MYO19: variants seen among roughly 807,000 people sequenced by gnomAD.
MYO19 encodes unconventional myosin-XIX.
A neutral mutation model predicts 129.2 loss-of-function variants in MYO19; 132 were observed. That is an observed-to-expected ratio of 1.02 (90% confidence interval 0.89 to 1.18). The LOEUF (loss-of-function observed/expected upper bound fraction) is 1.18. Ranked by LOEUF, MYO19 falls within the 50% of genes most tolerant of loss-of-function variation. MYO19 has a pLI of 0.00. For missense variants in MYO19, 1,210 were observed against 1,216.7 expected (o/e 0.99, Z 0.08); for synonymous variants, 531 against 477.2 (o/e 1.11, Z -1.47).
chr17:36,502,652 T>C (rs980942193), intron 21 of MYO19, among the ~76,000 whole-genome samples: 9 of 152,126 alleles, frequency 5.9e-5, no homozygotes, highest in Admixed American at 3.9e-4. Flanking sequence ...GAGAATAAAG[T>C]CCAGATTCCT....
At chr17:36,520,280 A>C (rs995388826) in intron 6 of MYO19, among the ~76,000 whole-genome samples, 3 of 152,080 alleles carry the variant, frequency 2.0e-5, no homozygotes, top group African/African-American at 7.2e-5. Flanking sequence ...CTGGTCCTTA[A>C]GATTTTTTTC....
chr17:36,538,159 C>T (rs753155260), upstream of MYO19: 3 of 1,613,984 alleles, frequency 1.9e-6, no homozygotes, highest in East Asian at 2.2e-5. Context: ...CTCTTCATAT[C>T]TCTTTACGTA....
intron 24 of MYO19, 45 bp downstream of exon 24, chr17:36,499,030 C>G (rs1313552689): frequency 6.6e-7 from 1 of 1,504,032 alleles, no homozygotes; most frequent in Non-Finnish European, 9.1e-7. Flanking sequence ...ATCTGGTCCC[C>G]AAAATTGATC....
intron 24 of MYO19, 95 bp downstream of exon 24, chr17:36,498,980 C>T: frequency 1.0e-6 from 1 of 1,001,356 alleles, no homozygotes. Flanking sequence ...CCAAGGCCAC[C>T]TGCATTGCAG....
At position 36,506,463 on chromosome 17, in the gene MYO19, T is replaced by C; in HGVS notation, c.1790A>G (p.Lys597Arg). The C allele has an allele frequency of 1.5e-5, 24 of 1,613,838 alleles. No individual in the cohort carries two copies. The highest frequency in any genetic ancestry group is 1.9e-5 in the Non-Finnish European group (23 of 1,179,818). ...TCAGCACATCAGACCCACCTTGAAC[T>C]TGGACACCACGGTCAACACAGGGGC... ...SRAPVLTVVS[K>R]FKASLEQLLQ... Residue 597 changes from lysine (K) to arginine (R), a missense_variant, in exon 18 of 26, where the codon AAG (lysine) becomes AGG (arginine). Lys to Arg is a conservative substitution (Grantham distance 26, BLOSUM62 2). Coordinates refer to ENST00000614623, the MANE Select transcript of MYO19 (RefSeq NM_001163735.2).
At chr17:36,538,549 A>G (rs757082131), upstream of MYO19, 55 of 1,613,618 alleles carry the variant, frequency 3.4e-5, no homozygotes, top group Non-Finnish European at 4.3e-5. Flanking sequence ...GTCAATCTCT[A>G]TATGTTTTCC....
intron 12 of MYO19, 141 bp from the exon 13 acceptor site, chr17:36,511,058 C>A: frequency 1.0e-6 from 1 of 975,738 alleles, no homozygotes; most frequent in Non-Finnish European, 1.5e-6. Flanking sequence ...AGTGACTCAC[C>A]CAAAGGACTC....
rs2073905136 is a variant in MYO19 at position 36,532,826 on chromosome 17, C to G, written c.-143-145G>C. 3 of 532,928 alleles carry G rather than the reference C, an allele frequency of 5.6e-6. No individual in the cohort carries two copies. In the South Asian group the frequency reaches 7.5e-5, roughly 13 times the overall value. 33.0% of individuals were successfully genotyped at this position (532,928 alleles called of 1,614,324 possible). ...GAGAGTGGGCCTGTCCTTTCCCTTG[C>G]CAATTAGGAGACAGGGAAACTTTTA... On this transcript the variant is annotated intron_variant, in intron 2 of 25. Transcript: ENST00000614623.
intron 6 of MYO19, among the ~76,000 whole-genome samples, chr17:36,520,131 TG>T (rs1486777555): frequency 6.6e-6 from 1 of 152,010 alleles, no homozygotes; most frequent in Admixed American, 6.6e-5. Context: ...CCTACCACCA[TG>T]CCCTGCTAAT....
At chr17:36,515,450 C>T (rs952442165) in intron 7 of MYO19, among the ~76,000 whole-genome samples, 1 of 152,132 alleles carries the variant, frequency 6.6e-6, no homozygotes, top group Non-Finnish European at 1.5e-5. Flanking sequence ...AGGGAAAGGT[C>T]AAAAACAATC....
rs2073907172 is a variant in MYO19 at position 36,532,856 on chromosome 17, A to C, written c.-143-175T>G. Among the ~76,000 whole-genome samples the C allele has an allele frequency of 5.9e-5, 9 of 152,160 alleles. No homozygotes were observed. The South Asian group carries it at 1.7e-3, about 28-fold the overall frequency. Reference sequence around the variant, plus strand: ...TAGGAGACAGGGAAACTTTTATGAGAGCCTCAGAGGCTCCCTGGGCCAGTT... The same window carrying C: ...TAGGAGACAGGGAAACTTTTATGAGCGCCTCAGAGGCTCCCTGGGCCAGTT... On this transcript the variant is annotated intron_variant, in intron 2 of 25. Coordinates refer to ENST00000614623, the MANE Select transcript of MYO19 (RefSeq NM_001163735.2).
chr17:36,516,350 G>T (rs2072746641), intron 6 of MYO19, among the ~76,000 whole-genome samples: 1 of 152,098 alleles, frequency 6.6e-6, no homozygotes, highest in South Asian at 2.1e-4. Context: ...CAATGACAGG[G>T]CTCCCATTTA....
intron 6 of MYO19, among the ~76,000 whole-genome samples, chr17:36,518,781 G>A (rs1462339648): frequency 1.3e-5 from 2 of 151,212 alleles, no homozygotes; most frequent in African/African-American, 4.9e-5. Context: ...CCCAGGCATA[G>A]TGAGATAGAT....
chr17:36,527,800 C>G (rs573386782), intron 4 of MYO19, 101 bp from the exon 5 acceptor site: 25 of 1,301,192 alleles, frequency 1.9e-5, no homozygotes, highest in Non-Finnish European at 2.6e-5. Context: ...CTGCAATTAG[C>G]CAAGAATCAT....
Position 36,515,132 on chromosome 17 carries a change from T to C in MYO19, c.598A>G (p.Ile200Val), listed in dbSNP as rs1370484078. Residue 200 changes from isoleucine to valine, a missense_variant, in exon 8 of 26, where the codon ATC (isoleucine) becomes GTC (valine). Transcript: ENST00000614623. ...TATTACCTGTTCAGCTGGAGCTGGATGAACTTCCCAAAGCGACTGCTGTTG... is the reference window on the plus strand; with the variant it reads ...TATTACCTGTTCAGCTGGAGCTGGACGAACTTCCCAAAGCGACTGCTGTTG... ...NNNSSRFGKF[I>V]QLQLNRAQQM... is the part of the protein sequence containing the mutation. 2 of 1,611,256 alleles carry C rather than the reference T, an allele frequency of 1.2e-6. No individual in the cohort carries two copies. The highest frequency in any genetic ancestry group is 2.2e-5 in the South Asian group (2 of 90,160).
chr17:36,512,196 A>AACACAC (rs57765074), intron 11 of MYO19, among the ~76,000 whole-genome samples: 10,665 of 138,078 alleles, frequency 0.077, 983 homozygotes, highest in African/African-American at 0.21. Context: ...ACTAAAAATA[A>AACACAC]ACACACACAC....
chr17:36,527,166 CAAAA>C (rs201257593), intron 5 of MYO19, among the ~76,000 whole-genome samples: 2,797 of 148,960 alleles, frequency 0.019, 71 homozygotes, highest in East Asian at 0.1. Flanking sequence ...AACTCCATCT[CAAAA>C]TAAATAAATA....
At chr17:36,515,802 T>C in intron 7 of MYO19, 56 bp downstream of exon 7, 1 of 1,561,708 alleles carries the variant, frequency 6.4e-7, no homozygotes, top group South Asian at 1.2e-5. Context: ...CCCTGGAAGG[T>C]GGAAAATCCC....
Position 36,532,759 on chromosome 17 carries a change from T to C in MYO19, c.-143-78A>G. 6.6e-6 allele frequency: 4 copies of C among 607,238 alleles called. No individual in the cohort carries two copies. In the South Asian group the frequency reaches 8.1e-5, roughly 12 times the overall value. The allele number at this position is 607,238 out of a possible 1,614,324, so 37.6% of individuals were successfully genotyped here. On this transcript the variant is annotated intron_variant, in intron 2 of 25. Transcript: ENST00000614623. ...AGTGACTCACTCACTCCTTCCCACC[T>C]AGCAGAAGCAACCAAAATGAGATGC...
Sources: gnomAD v4.1 joint callset for allele counts (sites outside exome capture counted in the v4.1 genomes callset) on GRCh38, gnomAD v4.1.1 for gene constraint, MANE v1.5 for transcripts, NCBI Gene and HGNC (gene_info 2026-07-23, HGNC 2026-07-21) for gene names.